Variants in POF1B observed in about 807,000 individuals in gnomAD.
POF1B encodes POF1B actin binding protein, also known as protein POF1B.
Under a neutral mutation model 55.3 loss-of-function variants are expected in POF1B, and 53 were observed. The ratio of observed to expected loss-of-function variants is 0.96; its 90% CI spans 0.77 to 1.20. POF1B has a LOEUF of 1.20. POF1B is among the 50% of genes most tolerant of loss of function. The pLI, the probability that POF1B is intolerant of heterozygous loss-of-function variation, is 0.00. For synonymous variants in POF1B, 188 were observed against 148.3 expected, an observed-to-expected ratio of 1.27 and a Z score of -1.95; for missense variants, 478 against 420.5, an observed-to-expected ratio of 1.14 and a Z score of -1.20.
At chrX:85,306,794 G>A (rs1453514707) in intron 11 of POF1B, among the ~76,000 whole-genome samples, 1 of 111,396 alleles carries the variant, frequency 9.0e-6, no homozygotes. Flanking sequence ...TTCATCTAGA[G>A]TTTTTTCAGT....
chrX:85,318,590 C>T (rs1248159839), intron 7 of POF1B, among the ~76,000 whole-genome samples: 1 of 111,865 alleles, frequency 8.9e-6, no homozygotes, highest in African/African-American at 3.2e-5. Flanking sequence ...CTGCATATGG[C>T]TAACCAGTTA....
intron 7 of POF1B, among the ~76,000 whole-genome samples, chrX:85,320,310 T>C (rs990291539): frequency 3.6e-4 from 40 of 110,736 alleles, no homozygotes; most frequent in Non-Finnish European, 7.4e-4. Flanking sequence ...CACAACTACA[T>C]GGAAACTGAA....
chrX:85,326,686 G>A (rs1373129961), intron 7 of POF1B, among the ~76,000 whole-genome samples: 2 of 109,786 alleles, frequency 1.8e-5, no homozygotes, highest in Non-Finnish European at 3.8e-5. Context: ...ACGATGTGAC[G>A]GGTTGGGGGT....
chrX:85,375,141 T>C (rs993876355), intron 2 of POF1B, among the ~76,000 whole-genome samples: 2 of 111,584 alleles, frequency 1.8e-5, no homozygotes, highest in African/African-American at 3.3e-5. Flanking sequence ...TTTCTGTCTT[T>C]AAAAATTATG....
At chrX:85,279,588 CAA>C (rs1163166657) in intron 16 of POF1B, among the ~76,000 whole-genome samples, 162 bp from the exon 17 acceptor site, 2 of 110,566 alleles carry the variant, frequency 1.8e-5, no homozygotes, top group Non-Finnish European at 3.8e-5. Flanking sequence ...TTCAATGAAA[CAA>C]TGATTTGTCT....
intron 4 of POF1B, among the ~76,000 whole-genome samples, chrX:85,354,941 G>A (rs751073177): frequency 9.0e-6 from 1 of 111,226 alleles, no homozygotes; most frequent in Admixed American, 9.6e-5. Flanking sequence ...TTTCTTCACG[G>A]AATTGGAAAA....
At chrX:85,297,400 G>A (rs750267448) in intron 15 of POF1B, among the ~76,000 whole-genome samples, 13 of 111,928 alleles carry the variant, frequency 1.2e-4, no homozygotes, top group Non-Finnish European at 2.3e-4. Context: ...TTTTTGTTTT[G>A]ATATTCTTTA....
At chrX:85,348,533 T>C (rs1391012272) in intron 5 of POF1B, among the ~76,000 whole-genome samples, 1 of 110,647 alleles carries the variant, frequency 9.0e-6, no homozygotes, top group Non-Finnish European at 1.9e-5. Flanking sequence ...CATGTTACGG[T>C]AAACAGGTTC....
intron 7 of POF1B, among the ~76,000 whole-genome samples, chrX:85,323,624 A>C (rs1390273985): frequency 3.6e-5 from 4 of 110,591 alleles, no homozygotes; most frequent in Non-Finnish European, 7.6e-5. Flanking sequence ...AAAAAAATAA[A>C]AAAAAATGTC....
In POF1B at chrX:85,370,383, C is replaced by G. The variant is rs189269494; in HGVS notation, c.283-2617G>C. On this transcript the variant is annotated intron_variant, in intron 2 of 16. Transcript: ENST00000262753. The stretch of plus-strand genomic sequence containing the variant: ...AGCCTTCATTATTAAAATTGATCAT[C>G]TAGACAAATGTGGCTTTCCCACGCA... Among the ~76,000 whole-genome samples, 257 of 111,724 alleles carry G rather than the reference C, an allele frequency of 2.3e-3. 1 individual carries two copies. Among genetic ancestry groups the G allele is most frequent in the African/African-American group, 8.1e-3 (251 of 30,824 alleles).
chrX:85,305,845 C>T lies in POF1B; in HGVS notation c.1383G>A (p.Thr461=), dbSNP rs143899687. ...AKMDEIGNHY[T]EMVKNLRMEK... is the part of the protein sequence containing the mutation. The stretch of plus-strand genomic sequence containing the variant: ...CCATTCTCAAGTTTTTTACCATCTC[C>T]GTGTAGTGGTTGCCAATCTCATCCA... Residue 461 remains threonine (T), a synonymous_variant, in exon 13 of 17, where the codon ACG becomes ACA. Transcript: ENST00000262753. The T allele has an allele frequency of 1.2e-3, 1,475 of 1,207,416 alleles. 2 individuals are homozygous for T. Among genetic ancestry groups the T allele is most frequent in the Non-Finnish European group, 1.5e-3 (1,355 of 893,596 alleles).
At chrX:85,290,961 C>T (rs770687386) in intron 15 of POF1B, among the ~76,000 whole-genome samples, 5 of 111,817 alleles carry the variant, frequency 4.5e-5, no homozygotes, top group Non-Finnish European at 9.4e-5. Context: ...TGTCAATTTT[C>T]GCTTTTGTTG....
At position 85,287,057 on chromosome X, in the gene POF1B, A is replaced by T. The variant is rs146487852; in HGVS notation, c.1650-4740T>A. Among the ~76,000 whole-genome samples the T allele has an allele frequency of 8.8e-3, 980 of 111,936 alleles. 19 individuals are homozygous for T. The highest frequency in any genetic ancestry group is 0.03 in the African/African-American group (916 of 30,968). On this transcript the variant is annotated intron_variant, in intron 15 of 16. Coordinates refer to ENST00000262753, the MANE Select transcript of POF1B (RefSeq NM_024921.4). ...AGAAAATATTTTGAACTGAATGCAAATGAAAATATAACTTATCAAAATTGT... is the reference window on the plus strand; with the variant it reads ...AGAAAATATTTTGAACTGAATGCAATTGAAAATATAACTTATCAAAATTGT...
chrX:85,289,460 T>C (rs1249415669), intron 15 of POF1B, among the ~76,000 whole-genome samples: 1 of 111,640 alleles, frequency 9.0e-6, no homozygotes, highest in African/African-American at 3.3e-5. Flanking sequence ...CACTAGTCTC[T>C]GGCTGAATGT....
At chrX:85,353,089 T>C (rs1933421053) in intron 4 of POF1B, among the ~76,000 whole-genome samples, 1 of 111,116 alleles carries the variant, frequency 9.0e-6, no homozygotes, top group African/African-American at 3.3e-5. Context: ...GGGATGGAGT[T>C]CAGAGGAAAA....
intron 2 of POF1B, among the ~76,000 whole-genome samples, chrX:85,376,644 T>C (rs1933928037): frequency 9.0e-6 from 1 of 111,417 alleles, no homozygotes; most frequent in South Asian, 3.7e-4. Flanking sequence ...AGTAACATTA[T>C]ATATCTAGAT....
chrX:85,278,949 T>C lies in POF1B; in HGVS notation c.*472A>G, dbSNP rs897927601. 1 of 113,002 alleles carries C rather than the reference T, an allele frequency of 8.8e-6. No individual in the cohort carries two copies. The highest frequency in any genetic ancestry group is 3.2e-5 in the African/African-American group (1 of 30,807). 9.3% of individuals were successfully genotyped at this position (113,002 alleles called of 1,213,427 possible). A position where few individuals can be genotyped will look rare whatever the true frequency, so the allele number is the denominator to read the frequency against. ...GCAAATACAGACTGTATATATTATA[T>C]ACTAGCTGTTATTTTTTGCTTCAAT... On this transcript the variant is annotated 3_prime_UTR_variant, in exon 17 of 17. Transcript: ENST00000262753.
At position 85,379,391 on chromosome X, in the gene POF1B, C is replaced by T; in HGVS notation, c.64G>A (p.Val22Met). The change falls in exon 2 of 17, where the codon GTG (valine) becomes ATG (methionine). Residue 22 changes from valine (V) to methionine (M), a missense_variant. By Grantham distance (21) the Val-to-Met change is conservative. Transcript: ENST00000262753. ...TAATGCTGGGGCTGGCACTGCAGCA[C>T]CTCTGGGAGCTGCTGGGTTCCACAG... The part of the protein sequence containing the change: ...SSCGTQQLPE[V>M]LQCQPQHYHC... 8.3e-7 allele frequency: 1 copy of T among 1,209,880 alleles called. No individual in the cohort carries two copies. The highest frequency in any genetic ancestry group is 1.1e-6 in the Non-Finnish European group (1 of 894,922).
At chrX:85,321,062 A>G (rs899289710) in intron 7 of POF1B, among the ~76,000 whole-genome samples, 2 of 111,854 alleles carry the variant, frequency 1.8e-5, no homozygotes, top group Admixed American at 1.9e-4. Flanking sequence ...AATCAATAGA[A>G]AAAGAGGGAA....
Sources: gnomAD v4.1 joint callset for allele counts (sites outside exome capture counted in the v4.1 genomes callset) on GRCh38, gnomAD v4.1.1 for gene constraint, MANE v1.5 for transcripts, NCBI Gene and HGNC (gene_info 2026-07-23, HGNC 2026-07-21) for gene names.